Variants in RGS7 observed in about 807,000 individuals in gnomAD.
The protein encoded by RGS7 is regulator of G protein signaling 7, also known as regulator of G-protein signaling 7.
RGS7 carries 27 observed loss-of-function variants against 81.1 expected under a neutral mutation model. The observed-to-expected ratio is 0.33, with a 90% CI of 0.25 to 0.46. RGS7 has a LOEUF of 0.46. RGS7 is among the 20% of genes least tolerant of loss of function. The pLI is 1.00. For synonymous variants in RGS7, 208 were observed against 207.7 expected, an observed-to-expected ratio of 1.00 and a Z score of -0.01; for missense variants, 396 against 607.4, an observed-to-expected ratio of 0.65 and a Z score of 3.66.
At chr1:241,264,730 C>G (rs891711552) in intron 2 of RGS7, among the ~76,000 whole-genome samples, 1 of 152,162 alleles carries the variant, frequency 6.6e-6, no homozygotes, top group African/African-American at 2.4e-5. Context: ...TGGATTGACT[C>G]TGCCCCATGA....
At chr1:240,805,923 T>C (rs1454088815) in intron 15 of RGS7, among the ~76,000 whole-genome samples, 3 of 152,022 alleles carry the variant, frequency 2.0e-5, no homozygotes, top group Non-Finnish European at 4.4e-5. Flanking sequence ...CCCCTTCATA[T>C]AAAAATATTC....
At chr1:240,988,358 G>T (rs1041816408) in intron 3 of RGS7, among the ~76,000 whole-genome samples, 2 of 151,452 alleles carry the variant, frequency 1.3e-5, no homozygotes, top group African/African-American at 4.9e-5. Flanking sequence ...AAACTCAATT[G>T]AATTTCTTTA....
At chr1:241,287,337 A>C (rs1287821244) in intron 2 of RGS7, among the ~76,000 whole-genome samples, 1 of 152,154 alleles carries the variant, frequency 6.6e-6, no homozygotes, top group Non-Finnish European at 1.5e-5. Flanking sequence ...TGATTGAATC[A>C]TGGAGGCGGG....
intron 3 of RGS7, among the ~76,000 whole-genome samples, chr1:241,086,297 C>T (rs1400793604): frequency 1.3e-5 from 2 of 152,154 alleles, no homozygotes; most frequent in African/African-American, 4.8e-5. Context: ...GAGAGAATCT[C>T]TTGTGTTTCC....
At chr1:240,896,622 C>T (rs1317242577) in intron 6 of RGS7, among the ~76,000 whole-genome samples, 1 of 152,032 alleles carries the variant, frequency 6.6e-6, no homozygotes. Context: ...CTGAGGGCTC[C>T]GTTCTGTTCC....
At chr1:240,959,075 C>T (rs1680920378) in intron 4 of RGS7, among the ~76,000 whole-genome samples, 2 of 152,206 alleles carry the variant, frequency 1.3e-5, no homozygotes, top group Admixed American at 1.3e-4. Context: ...TAAAATAAAA[C>T]ACTTATTTCA....
chr1:241,348,706 G>A (rs2083055143), intron 2 of RGS7, among the ~76,000 whole-genome samples: 1 of 152,178 alleles, frequency 6.6e-6, no homozygotes, highest in African/African-American at 2.4e-5. Context: ...TAATACCCAA[G>A]GAACTGTGCA....
intron 2 of RGS7, chr1:241,305,769 T>C: frequency 4.1e-6 from 1 of 246,582 alleles, no homozygotes; most frequent in Non-Finnish European, 8.0e-6. Context: ...TCTCGGGGCA[T>C]GTCTTGCGCG....
At chr1:241,133,625 T>C (rs937053735) in intron 2 of RGS7, among the ~76,000 whole-genome samples, 22 of 152,202 alleles carry the variant, frequency 1.4e-4, no homozygotes, top group Non-Finnish European at 2.8e-4. Flanking sequence ...TTGAAAAATA[T>C]AGTGTGAACC....
At chr1:241,204,699 T>C (rs2073760727) in intron 2 of RGS7, among the ~76,000 whole-genome samples, 1 of 152,012 alleles carries the variant, frequency 6.6e-6, no homozygotes, top group South Asian at 2.1e-4. Flanking sequence ...TCTTCTTATT[T>C]TCTGCAAAAA....
At chr1:240,777,123 C>T (rs753743331) in intron 18 of RGS7, among the ~76,000 whole-genome samples, 20 of 152,044 alleles carry the variant, frequency 1.3e-4, no homozygotes, top group Non-Finnish European at 2.8e-4. Flanking sequence ...GGTGAAACTC[C>T]GTCTCTACTA....
chr1:241,220,970 G>A (rs1422770573), intron 2 of RGS7, among the ~76,000 whole-genome samples: 22 of 93,124 alleles, frequency 2.4e-4, no homozygotes, highest in Non-Finnish European at 2.7e-4. Context: ...AGGAAGGAAG[G>A]AAGGAAGGAA....
intron 9 of RGS7, among the ~76,000 whole-genome samples, chr1:240,848,589 T>C (rs929505180): frequency 4.0e-5 from 6 of 151,554 alleles, no homozygotes; most frequent in African/African-American, 1.2e-4. Context: ...ATAGTTCCTT[T>C]ATAAAAGATA....
intron 2 of RGS7, among the ~76,000 whole-genome samples, chr1:241,349,273 C>T (rs1299348939): frequency 6.6e-6 from 1 of 152,212 alleles, no homozygotes; most frequent in Non-Finnish European, 1.5e-5. Context: ...AGTGCACATG[C>T]TTCCTCCATT....
intron 2 of RGS7, among the ~76,000 whole-genome samples, chr1:241,322,956 G>A (rs59113181): frequency 0.015 from 2,293 of 152,136 alleles, 68 homozygotes; most frequent in African/African-American, 0.051. Context: ...ATACTCTGAA[G>A]GACACAAATC....
At chr1:240,929,460 C>T (rs142759324) in intron 6 of RGS7, among the ~76,000 whole-genome samples, 3,157 of 151,240 alleles carry the variant, frequency 0.021, 49 homozygotes, top group African/African-American at 0.043. Flanking sequence ...ATTAATTTTT[C>T]GGTATTCTGG....
At position 240,839,336 on chromosome 1, in the gene RGS7, C is replaced by T. The variant is rs972707515; in HGVS notation, c.610-12164G>A. ...TAGCGAATGAACCGATCAAAGCACACGGTTAGAGTGTGAGAGTTTAAACAG... is the reference window on the plus strand; with the variant it reads ...TAGCGAATGAACCGATCAAAGCACATGGTTAGAGTGTGAGAGTTTAAACAG... On this transcript the variant is annotated intron_variant, in intron 9 of 18. Coordinates refer to ENST00000440928, the MANE Select transcript of RGS7 (RefSeq NM_001364886.1). Among the ~76,000 whole-genome samples, 4 of 152,236 alleles carry T rather than the reference C, an allele frequency of 2.6e-5. 1 individual carries two copies. The South Asian group carries it at 6.2e-4, about 24-fold the overall frequency.
At chr1:241,151,068 C>T (rs930671204) in intron 2 of RGS7, among the ~76,000 whole-genome samples, 8 of 152,136 alleles carry the variant, frequency 5.3e-5, no homozygotes, top group African/African-American at 1.4e-4. Context: ...GCTGTTTGCA[C>T]GGTGTCTGTC....
chr1:240,793,290 A>G (rs551818744), intron 18 of RGS7, among the ~76,000 whole-genome samples: 2 of 152,234 alleles, frequency 1.3e-5, no homozygotes, highest in Non-Finnish European at 2.9e-5. Context: ...TCTGAACTCA[A>G]TTAGGCTACA....
Sources: gnomAD v4.1 joint callset for allele counts (sites outside exome capture counted in the v4.1 genomes callset) on GRCh38, gnomAD v4.1.1 for gene constraint, MANE v1.5 for transcripts, NCBI Gene and HGNC (gene_info 2026-07-23, HGNC 2026-07-21) for gene names.